Variants in MMP16 observed in about 807,000 individuals in gnomAD.
The protein encoded by MMP16 is matrix metalloproteinase-16.
MMP16 carries 12 observed loss-of-function variants against 67.8 expected under a neutral mutation model. That is an observed-to-expected ratio of 0.18 (90% confidence interval 0.11 to 0.29). The LOEUF (loss-of-function observed/expected upper bound fraction) is 0.29. Ranked by LOEUF, MMP16 falls within the 10% of genes least tolerant of loss-of-function variation. The pLI is 1.00. For synonymous variants in MMP16, 249 were observed against 255.9 expected (o/e 0.97, Z 0.26); for missense variants, 475 against 765.7 (o/e 0.62, Z 4.48).
At chr8:88,305,567 AGAAAT>A (rs1190736963) in intron 1 of MMP16, among the ~76,000 whole-genome samples, 1 of 152,210 alleles carries the variant, frequency 6.6e-6, no homozygotes, top group African/African-American at 2.4e-5. Context: ...CAAATGCAAA[AGAAAT>A]GAAGTCACAA....
Position 88,056,628 on chromosome 8 carries a change from G to A in MMP16, c.1223-350C>T, listed in dbSNP as rs538679159. ...TTCCCCTAAGAATTAGAGGTCCTAC[G>A]TCTTTTTCAAGGCTAAATCATTCCT... On this transcript the variant is annotated intron_variant, in intron 7 of 9. Coordinates refer to ENST00000286614, the MANE Select transcript of MMP16 (RefSeq NM_005941.5). Among the ~76,000 whole-genome samples the A allele has an allele frequency of 9.9e-5, 15 of 152,176 alleles. No homozygotes were observed. In the South Asian group the frequency reaches 2.9e-3, roughly 29 times the overall value.
chr8:88,043,861 C>T (rs537132444), intron 9 of MMP16, among the ~76,000 whole-genome samples: 7 of 152,182 alleles, frequency 4.6e-5, no homozygotes, highest in African/African-American at 1.7e-4. Context: ...GAGGGCCTGC[C>T]AAATAACAGT....
At chr8:88,228,880 G>A (rs896462083) in intron 1 of MMP16, among the ~76,000 whole-genome samples, 1 of 151,912 alleles carries the variant, frequency 6.6e-6, no homozygotes, top group Non-Finnish European at 1.5e-5. Context: ...AGCACTACAG[G>A]CCGGGCATGA....
rs548657252 is a variant in MMP16 at position 88,236,733 on chromosome 8, G to C, written c.133-39427C>G. Among the ~76,000 whole-genome samples, 199 of 151,978 alleles carry C rather than the reference G, an allele frequency of 1.3e-3. 2 individuals are homozygous for C. In the South Asian group the frequency reaches 0.014, roughly 10 times the overall value. ...CACTGCACTCCAGCCTGGGTAAAAAGCGAGACTCTGAAAAATAACAACAAC... is the reference window on the plus strand; with the variant it reads ...CACTGCACTCCAGCCTGGGTAAAAACCGAGACTCTGAAAAATAACAACAAC... On this transcript the variant is annotated intron_variant, in intron 1 of 9. Transcript: ENST00000286614.
At chr8:88,050,323 AAAT>A (rs1440974890) in intron 8 of MMP16, among the ~76,000 whole-genome samples, 1 of 152,184 alleles carries the variant, frequency 6.6e-6, no homozygotes, top group Admixed American at 6.5e-5. Flanking sequence ...ACTTCATCTC[AAAT>A]AATAATAATA....
intron 1 of MMP16, among the ~76,000 whole-genome samples, chr8:88,272,004 G>A (rs1172551808): frequency 6.6e-6 from 1 of 152,176 alleles, no homozygotes; most frequent in Non-Finnish European, 1.5e-5. Context: ...TCTATAAAAT[G>A]GAGACAACAC....
intron 1 of MMP16, among the ~76,000 whole-genome samples, chr8:88,261,140 T>C (rs1437518830): frequency 6.6e-6 from 1 of 152,164 alleles, no homozygotes; most frequent in Non-Finnish European, 1.5e-5. Flanking sequence ...AGCTTTATCA[T>C]GCAGACATAC....
At chr8:88,138,778 T>A (rs1313474843) in intron 4 of MMP16, among the ~76,000 whole-genome samples, 7 of 152,112 alleles carry the variant, frequency 4.6e-5, no homozygotes, top group Non-Finnish European at 8.8e-5. Flanking sequence ...ATGTCTTGGA[T>A]ATCCTGGTGG....
At chr8:88,083,335 G>T (rs574201666) in intron 6 of MMP16, among the ~76,000 whole-genome samples, 195 of 152,094 alleles carry the variant, frequency 1.3e-3, no homozygotes, top group African/African-American at 4.5e-3. Flanking sequence ...CTATTAGAAG[G>T]AATCAGGGCT....
At chr8:88,100,569 T>C (rs1809123834) in intron 6 of MMP16, among the ~76,000 whole-genome samples, 2 of 152,020 alleles carry the variant, frequency 1.3e-5, no homozygotes, top group Admixed American at 6.6e-5. Flanking sequence ...GACAGTGTGG[T>C]GATTCCTCAA....
At chr8:88,324,774 G>T (rs1333543820) in intron 1 of MMP16, among the ~76,000 whole-genome samples, 1 of 151,922 alleles carries the variant, frequency 6.6e-6, no homozygotes, top group African/African-American at 2.4e-5. Flanking sequence ...AAATAGAAGT[G>T]AATCAGGCAG....
chr8:88,238,624 C>CCACT (rs1809983752), intron 1 of MMP16, among the ~76,000 whole-genome samples: 1 of 147,368 alleles, frequency 6.8e-6, no homozygotes. Context: ...CGAGACTGTG[C>CCACT]CACTGCACTC....
At chr8:88,223,329 TTA>T in intron 1 of MMP16, among the ~76,000 whole-genome samples, 1 of 151,950 alleles carries the variant, frequency 6.6e-6, no homozygotes, top group Admixed American at 6.6e-5. Flanking sequence ...TTGACCCAGC[TTA>T]CCCATTACTG....
At chr8:88,145,674 T>TA in intron 4 of MMP16, among the ~76,000 whole-genome samples, 1 of 151,896 alleles carries the variant, frequency 6.6e-6, no homozygotes, top group Non-Finnish European at 1.5e-5. Flanking sequence ...CTAAGAGAAA[T>TA]ACAACCTCAT....
At chr8:88,287,444 C>T (rs1468526046) in intron 1 of MMP16, among the ~76,000 whole-genome samples, 1 of 152,170 alleles carries the variant, frequency 6.6e-6, no homozygotes, top group Non-Finnish European at 1.5e-5. Context: ...GTTTTCATCT[C>T]ATCAAGTGCA....
intron 1 of MMP16, among the ~76,000 whole-genome samples, chr8:88,227,443 T>C (rs1227201430): frequency 1.3e-5 from 2 of 152,044 alleles, no homozygotes; most frequent in Admixed American, 6.6e-5. Context: ...GTATAGACTA[T>C]TACAAATATA....
At chr8:88,116,745 G>A in intron 5 of MMP16, 27 bp from the exon 6 acceptor site, 2 of 1,595,276 alleles carry the variant, frequency 1.3e-6, no homozygotes, top group Non-Finnish European at 1.7e-6. Flanking sequence ...GACAGTGCTT[G>A]GCTCACTTAA....
At chr8:88,215,290 C>A (rs1161406561) in intron 1 of MMP16, among the ~76,000 whole-genome samples, 1 of 151,806 alleles carries the variant, frequency 6.6e-6, no homozygotes, top group Non-Finnish European at 1.5e-5. Context: ...AGATCGCACT[C>A]CAGCCTGGGT....
At chr8:88,160,989 G>A (rs895217655) in intron 4 of MMP16, among the ~76,000 whole-genome samples, 4 of 152,158 alleles carry the variant, frequency 2.6e-5, no homozygotes, top group Non-Finnish European at 5.9e-5. Context: ...GTTCATCAGG[G>A]ATATTGGTCT....
Sources: allele counts gnomAD v4.1 joint callset (sites outside exome capture counted in the v4.1 genomes callset), GRCh38; gene constraint gnomAD v4.1.1; transcripts MANE v1.5; gene names NCBI Gene and HGNC (gene_info 2026-07-23, HGNC 2026-07-21).